The following PRMT3 variants were observed in gnomAD, a reference collection of about 807,000 sequenced individuals.
PRMT3 encodes protein arginine N-methyltransferase 3.
Under a neutral mutation model 71.9 loss-of-function variants are expected in PRMT3, and 62 were observed. The observed-to-expected ratio is 0.86, with a 90% CI of 0.70 to 1.07. The LOEUF (loss-of-function observed/expected upper bound fraction) is 1.07, where lower values mean the gene tolerates loss of function less well. PRMT3 is among the 50% of genes least tolerant of loss of function. The pLI, the probability that PRMT3 is intolerant of heterozygous loss-of-function variation, is 0.00. For missense variants in PRMT3, 663 were observed against 643.0 expected (o/e 1.03, Z -0.34); for synonymous variants, 213 against 220.4 (o/e 0.97, Z 0.30).
chr11:20,477,555 C>CAA (rs148599172), intron 13 of PRMT3, among the ~76,000 whole-genome samples: 39 of 148,796 alleles, frequency 2.6e-4, no homozygotes, highest in African/African-American at 4.5e-4. Context: ...GATTCCGTCT[C>CAA]AAAAAAAAAA....
chr11:20,477,047 A>G (rs1441597605), intron 13 of PRMT3, among the ~76,000 whole-genome samples: 1 of 152,196 alleles, frequency 6.6e-6, no homozygotes, highest in Non-Finnish European at 1.5e-5. Flanking sequence ...CACAAGATCA[A>G]GCCCTTCCCT....
chr11:20,403,875 C>A (rs542088489), intron 8 of PRMT3, among the ~76,000 whole-genome samples: 1 of 152,224 alleles, frequency 6.6e-6, no homozygotes, highest in Admixed American at 6.5e-5. Flanking sequence ...CATGATATGG[C>A]AGCAGTAACA....
Position 20,446,859 on chromosome 11 carries a change from G to GT in PRMT3, c.994-5270dup, listed in dbSNP as rs563516052. Among the ~76,000 whole-genome samples, 10 of 152,282 alleles carry GT rather than the reference G, an allele frequency of 6.6e-5. No individual in the cohort carries two copies. The South Asian group carries it at 2.1e-3, about 32-fold the overall frequency. ...TGTTGAGTGATATCATCAGCCGCCTGTATTTTGCCAAGTGCCTAACAGTGT... is the reference window on the plus strand; with the variant it reads ...TGTTGAGTGATATCATCAGCCGCCTGTTATTTTGCCAAGTGCCTAACAGTGT... On this transcript the variant is annotated intron_variant, in intron 10 of 15. Transcript: ENST00000331079.
intron 13 of PRMT3, among the ~76,000 whole-genome samples, chr11:20,489,924 A>C (rs1196036898): frequency 6.6e-6 from 1 of 150,900 alleles, no homozygotes; most frequent in Non-Finnish European, 1.5e-5. Flanking sequence ...AATTAAATAA[A>C]AATTTTTAAA....
In PRMT3 at chr11:20,395,814, C is replaced by G; in HGVS notation, c.412C>G (p.Leu138Val). The change falls in exon 6 of 16, where the codon CTT (leucine) becomes GTT (valine). Residue 138 changes from leucine to valine, a missense_variant. Transcript: ENST00000331079. Reference sequence around the variant, plus strand: ...ATTTATTTCTTTAGATGTAGAAGATCTTTATGAACCGGTGTCAGTACCCTT... The same window carrying G: ...ATTTATTTCTTTAGATGTAGAAGATGTTTATGAACCGGTGTCAGTACCCTT... Reference protein sequence around the residue: ...DLLLQFDVEDLYEPVSVPFSY... With the variant: ...DLLLQFDVEDVYEPVSVPFSY... The G allele has an allele frequency of 6.2e-7, 1 of 1,610,858 alleles. No individual in the cohort carries two copies.
chr11:20,399,539 A>T (rs1590034191), intron 7 of PRMT3, among the ~76,000 whole-genome samples: 1 of 152,136 alleles, frequency 6.6e-6, no homozygotes, highest in East Asian at 1.9e-4. Context: ...TTTTATGTTT[A>T]GAGTATTTTC....
chr11:20,472,748 C>T lies in PRMT3; in HGVS notation c.1347+8202C>T, dbSNP rs563983023. Among the ~76,000 whole-genome samples, 5 of 152,112 alleles carry T rather than the reference C, an allele frequency of 3.3e-5. No homozygotes were observed. The East Asian group carries it at 9.7e-4, about 29-fold the overall frequency. On this transcript the variant is annotated intron_variant, in intron 13 of 15. Transcript: ENST00000331079. ...TCATAGAACAAGTAGGGAGGAGTTC[C>T]TCCTTTTCAATTTTCAGTTGTTTTG... is the stretch of plus-strand genomic sequence containing the variant.
At chr11:20,492,196 T>C (rs1387405800) in intron 13 of PRMT3, among the ~76,000 whole-genome samples, 1 of 152,218 alleles carries the variant, frequency 6.6e-6, no homozygotes, top group Non-Finnish European at 1.5e-5. Context: ...TATTGTATTG[T>C]ATTGTATCCT....
chr11:20,445,080 AACATAGGTT>A (rs67783638), intron 10 of PRMT3, among the ~76,000 whole-genome samples: 124,832 of 151,338 alleles, frequency 0.82, 53,181 homozygotes, highest in Non-Finnish European at 0.95. Context: ...TAAATATAAA[AACATAGGTT>A]AAAAGTGGAT....
At chr11:20,506,962 ACT>A (rs1175569870) in intron 15 of PRMT3, among the ~76,000 whole-genome samples, 2 of 152,228 alleles carry the variant, frequency 1.3e-5, no homozygotes, top group African/African-American at 4.8e-5. Flanking sequence ...TTGTGTGTTC[ACT>A]GTTTCACATG....
At chr11:20,388,470 G>A (rs769681966) in intron 2 of PRMT3, among the ~76,000 whole-genome samples, 2 of 152,214 alleles carry the variant, frequency 1.3e-5, no homozygotes, top group African/African-American at 4.8e-5. Flanking sequence ...CCAAGTCAGG[G>A]ATGGGGTCTA....
chr11:20,459,291 G>A (rs934719876), intron 11 of PRMT3, among the ~76,000 whole-genome samples: 1 of 152,146 alleles, frequency 6.6e-6, no homozygotes, highest in African/African-American at 2.4e-5. Context: ...TAAGTATCTT[G>A]AATGTCTGTG....
chr11:20,412,860 A>G (rs1590045108), intron 9 of PRMT3, among the ~76,000 whole-genome samples: 1 of 152,284 alleles, frequency 6.6e-6, no homozygotes, highest in African/African-American at 2.4e-5. Context: ...CTGAGGCAGG[A>G]GAATCACTTG....
intron 9 of PRMT3, among the ~76,000 whole-genome samples, chr11:20,418,850 A>T (rs935558638): frequency 6.6e-6 from 1 of 152,236 alleles, no homozygotes; most frequent in Non-Finnish European, 1.5e-5. Flanking sequence ...CATGTTTAAT[A>T]TGCATAAGTA....
At position 20,508,358 on chromosome 11, in the gene PRMT3, C is replaced by A. The variant is rs765318401; in HGVS notation, c.1541C>A (p.Ser514Tyr). 1 of 1,612,264 alleles carries A rather than the reference C, an allele frequency of 6.2e-7. No individual in the cohort carries two copies. Among genetic ancestry groups the A allele is most frequent in the East Asian group, 2.2e-5 (1 of 44,848 alleles). ...TVHKNKKDPR[S>Y]LTVTLTLNNS... Reference sequence around the variant, plus strand: ...CACAAGAATAAGAAAGATCCACGTTCTCTCACCGTGACCCTCACGTTGAAT... The same window carrying A: ...CACAAGAATAAGAAAGATCCACGTTATCTCACCGTGACCCTCACGTTGAAT... Residue 514 changes from serine to tyrosine, a missense_variant, in exon 16 of 16, where the codon TCT becomes TAT. By Grantham distance (144) the Ser-to-Tyr change is moderately radical. Transcript: ENST00000331079.
At chr11:20,474,971 CAA>C (rs1461464164) in intron 13 of PRMT3, among the ~76,000 whole-genome samples, 1 of 152,042 alleles carries the variant, frequency 6.6e-6, no homozygotes. Flanking sequence ...AATGGAAGGA[CAA>C]AGGAAAAGAG....
Position 20,389,788 on chromosome 11 carries a change from A to G in PRMT3, c.209A>G (p.Glu70Gly), listed in dbSNP as rs1848672529. 6.2e-7 allele frequency: 1 copy of G among 1,612,392 alleles called. No homozygotes were observed. ...GAAACATTTTCACACTGTAAGTCTG[A>G]GCATCAGTTTAATATTGACAGCATG... ...AEETFSHCKS[E>G]HQFNIDSMVH... Residue 70 changes from glutamate (E) to glycine (G), a missense_variant, in exon 3 of 16, where the codon GAG (glutamate) becomes GGG (glycine). Physicochemically the swap from Glu to Gly is moderately conservative, Grantham distance 98 (BLOSUM62 -2). Coordinates refer to ENST00000331079, the MANE Select transcript of PRMT3 (RefSeq NM_005788.4).
chr11:20,403,918 T>A (rs77399313), intron 8 of PRMT3, among the ~76,000 whole-genome samples: 2,181 of 152,250 alleles, frequency 0.014, 28 homozygotes, highest in Non-Finnish European at 0.02. Flanking sequence ...TTTTCCTGAT[T>A]TTTGTATTGT....
chr11:20,407,513 G>C (rs1316516564), intron 8 of PRMT3: 1 of 156,938 alleles, frequency 6.4e-6, no homozygotes, highest in South Asian at 1.9e-4. Flanking sequence ...ATGTTAAAAT[G>C]TACTGACTCA....
Sources: allele counts gnomAD v4.1 joint callset (sites outside exome capture counted in the v4.1 genomes callset), GRCh38; gene constraint gnomAD v4.1.1; transcripts MANE v1.5; gene names NCBI Gene and HGNC (gene_info 2026-07-23, HGNC 2026-07-21).